TENM1: variants seen among roughly 807,000 people sequenced by gnomAD.
TENM1 encodes the protein teneurin-1.
TENM1 carries 35 observed loss-of-function variants against 174.8 expected under a neutral mutation model. That is an observed-to-expected ratio of 0.20 (90% confidence interval 0.15 to 0.27). The LOEUF is 0.27. TENM1 is among the 10% of genes least tolerant of loss of function. The pLI, the probability that TENM1 is intolerant of heterozygous loss-of-function variation, is 1.00. For missense variants in TENM1, 1,633 were observed against 2,130.1 expected, an observed-to-expected ratio of 0.77 and a Z score of 4.59; for synonymous variants, 781 against 798.7, an observed-to-expected ratio of 0.98 and a Z score of 0.37.
At chrX:124,553,942 T>TA (rs1436400680) in intron 14 of TENM1, among the ~76,000 whole-genome samples, 2 of 110,887 alleles carry the variant, frequency 1.8e-5, no homozygotes, top group East Asian at 2.8e-4. Context: ...CCATTTCTAC[T>TA]AAAAATACAA....
chrX:124,477,749 C>CA (rs58693858), intron 22 of TENM1, among the ~76,000 whole-genome samples: 2,316 of 42,159 alleles, frequency 0.055, 36 homozygotes, highest in African/African-American at 0.092. Flanking sequence ...GACTTCGTCT[C>CA]AAAAAAAAAA....
intron 3 of TENM1, among the ~76,000 whole-genome samples, chrX:124,754,133 G>A (rs964998147): frequency 2.7e-5 from 3 of 111,163 alleles, no homozygotes; most frequent in Non-Finnish European, 5.7e-5. Flanking sequence ...TCTTTTCGTT[G>A]GTAAGCTATT....
At chrX:124,927,978 C>T (rs2058115016) in intron 1 of TENM1, among the ~76,000 whole-genome samples, 1 of 50,343 alleles carries the variant, frequency 2.0e-5, no homozygotes, top group South Asian at 1.6e-3. Flanking sequence ...ATTTTCCTCC[C>T]TCAAATCTGA....
At chrX:125,107,409 C>T in the TENM1 span, among the ~76,000 whole-genome samples, 1 of 112,328 alleles carries the variant, frequency 8.9e-6, no homozygotes, top group Non-Finnish European at 1.9e-5. Flanking sequence ...CAACAGCAAG[C>T]CTAAGAATAT....
chrX:124,675,280 C>G (rs899872341), intron 5 of TENM1, among the ~76,000 whole-genome samples: 2 of 111,636 alleles, frequency 1.8e-5, no homozygotes, highest in African/African-American at 6.5e-5. Context: ...TTCTTCCAAA[C>G]ATAGGTACTG....
chrX:124,379,173 A>T (rs958885187), exon 32 of TENM1: 14 of 112,404 alleles, frequency 1.2e-4, no homozygotes, highest in African/African-American at 4.5e-4. Flanking sequence ...ATTTTAAATG[A>T]TCGCAGAACA....
chrX:124,927,967 T>C (rs2058114948), intron 1 of TENM1, among the ~76,000 whole-genome samples: 1 of 82,557 alleles, frequency 1.2e-5, no homozygotes, highest in Admixed American at 1.5e-4. Context: ...TTAAGAAAAA[T>C]ATTTTCCTCC....
the TENM1 span, among the ~76,000 whole-genome samples, chrX:125,174,779 G>T: frequency 9.0e-6 from 1 of 111,313 alleles, no homozygotes; most frequent in East Asian, 2.8e-4. Context: ...GAATTATGCT[G>T]TTAACAGTTA....
At chrX:124,426,278 A>G (rs1490371298) in intron 23 of TENM1, among the ~76,000 whole-genome samples, 2 of 111,731 alleles carry the variant, frequency 1.8e-5, no homozygotes, top group African/African-American at 3.3e-5. Context: ...CTAAAGGCAG[A>G]AAAAAAGTCC....
the TENM1 span, among the ~76,000 whole-genome samples, chrX:125,096,186 A>G: frequency 8.9e-6 from 1 of 111,856 alleles, no homozygotes; most frequent in Non-Finnish European, 1.9e-5. Flanking sequence ...CAAAAAGCCA[A>G]GCTGGAGAGG....
At chrX:125,013,994 G>A in the TENM1 span, among the ~76,000 whole-genome samples, 2 of 111,461 alleles carry the variant, frequency 1.8e-5, no homozygotes, top group South Asian at 7.4e-4. Flanking sequence ...CTTTTTTAGG[G>A]CTATAATTAT....
chrX:125,131,809 T>C, the TENM1 span, among the ~76,000 whole-genome samples: 4 of 111,911 alleles, frequency 3.6e-5, no homozygotes, highest in Non-Finnish European at 7.5e-5. Flanking sequence ...ACTCTTCCAA[T>C]GGTTGTACAT....
At chrX:124,778,704 A>T (rs1429752838) in intron 3 of TENM1, among the ~76,000 whole-genome samples, 1 of 111,914 alleles carries the variant, frequency 8.9e-6, no homozygotes, top group Non-Finnish European at 1.9e-5. Context: ...CTCAAGGAAG[A>T]TTATTTACAA....
chrX:124,480,334 G>A (rs1464885707), intron 22 of TENM1, among the ~76,000 whole-genome samples: 2 of 112,060 alleles, frequency 1.8e-5, no homozygotes, highest in African/African-American at 6.5e-5. Flanking sequence ...AAAAGACAAA[G>A]GCCTTGAAGA....
intron 3 of TENM1, among the ~76,000 whole-genome samples, chrX:124,827,947 C>T (rs766940957): frequency 4.3e-4 from 48 of 111,100 alleles, no homozygotes; most frequent in African/African-American, 1.4e-3. Context: ...GCAGGTCAAT[C>T]CTTTATATGT....
At chrX:124,469,317 A>G (rs776300150) in intron 22 of TENM1, among the ~76,000 whole-genome samples, 1 of 112,206 alleles carries the variant, frequency 8.9e-6, no homozygotes, top group East Asian at 2.8e-4. Flanking sequence ...ATCATACTTC[A>G]TTCAGTACTT....
At chrX:125,011,675 A>T in the TENM1 span, among the ~76,000 whole-genome samples, 2 of 111,929 alleles carry the variant, frequency 1.8e-5, no homozygotes, top group African/African-American at 6.5e-5. Context: ...ATTATTAAAA[A>T]GTCAAGAAAC....
intron 3 of TENM1, among the ~76,000 whole-genome samples, chrX:124,875,571 G>T (rs1439409393): frequency 4.6e-5 from 5 of 109,778 alleles, no homozygotes. Context: ...TTTTGTTCTT[G>T]TCTCTAATAG....
chrX:124,599,886 G>A lies in TENM1; in HGVS notation c.2078-34326C>T, dbSNP rs1363466115. 1.8e-4 allele frequency among the ~76,000 whole-genome samples: 20 copies of A among 110,274 alleles called. No homozygotes were observed. The Admixed American group carries it at 2.0e-3, about 11-fold the overall frequency. On this transcript the variant is annotated intron_variant, in intron 11 of 31. Transcript: ENST00000422452. Reference sequence around the variant, plus strand: ...AGAAGAGAGTTACAAATATGAAAAAGGAGAAAACAAGAATGAACCCTGTGG... The same window carrying A: ...AGAAGAGAGTTACAAATATGAAAAAAGAGAAAACAAGAATGAACCCTGTGG...
Sources: allele counts gnomAD v4.1 joint callset (sites outside exome capture counted in the v4.1 genomes callset), GRCh38; gene constraint gnomAD v4.1.1; transcripts MANE v1.5; gene names NCBI Gene and HGNC (gene_info 2026-07-23, HGNC 2026-07-21).